The following SERPINB8 variants were observed in gnomAD, a reference collection of about 807,000 sequenced individuals.
SERPINB8 encodes serpin family B member 8, also known as serpin B8.
Under a neutral mutation model 35.3 loss-of-function variants are expected in SERPINB8, and 25 were observed. The observed-to-expected ratio is 0.71, with a 90% CI of 0.52 to 0.99. SERPINB8 has a LOEUF of 0.99. SERPINB8 is among the 50% of genes least tolerant of loss of function. The pLI is 0.00. For missense variants in SERPINB8, 484 were observed against 446.5 expected (o/e 1.08, Z -0.76); for synonymous variants, 186 against 160.8 (o/e 1.16, Z -1.19).
At chr18:64,006,514 A>G (rs1023390042), downstream of SERPINB8, among the ~76,000 whole-genome samples, 2 of 152,156 alleles carry the variant, frequency 1.3e-5, no homozygotes, top group Non-Finnish European at 2.9e-5. Context: ...ACCCAGGAAG[A>G]GGGTCCTCTC....
intron 1 of SERPINB8, among the ~76,000 whole-genome samples, chr18:63,976,349 T>A (rs77321459): frequency 0.011 from 1,700 of 152,302 alleles, 42 homozygotes; most frequent in African/African-American, 0.039. Context: ...GTAGGACTTA[T>A]AATAATGCAC....
downstream of SERPINB8, among the ~76,000 whole-genome samples, chr18:63,994,227 T>G (rs2050837815): frequency 6.6e-6 from 1 of 152,054 alleles, no homozygotes; most frequent in Admixed American, 6.6e-5. Context: ...GGTAGCCTCT[T>G]CTTATCACAG....
intron 2 of SERPINB8, among the ~76,000 whole-genome samples, chr18:63,979,105 G>T (rs531965693): frequency 5.6e-4 from 85 of 152,314 alleles, no homozygotes; most frequent in African/African-American, 2.0e-3. Context: ...CCAATATCAG[G>T]AGTGTATAGA....
At chr18:64,000,134 T>A (rs2050867428) in intron 1 of SERPINB8, among the ~76,000 whole-genome samples, 1 of 152,190 alleles carries the variant, frequency 6.6e-6, no homozygotes, top group Non-Finnish European at 1.5e-5. Flanking sequence ...TCTGACAAAG[T>A]GGAAGAGTCC....
Position 63,985,176 on chromosome 18 carries a change from G to A in SERPINB8, c.651G>A (p.Glu217=). 3 of 1,614,202 alleles carry A rather than the reference G, an allele frequency of 1.9e-6. No homozygotes were observed. Among genetic ancestry groups the A allele is most frequent in the Non-Finnish European group, 2.5e-6 (3 of 1,180,032 alleles). Residue 217 remains glutamate (E), a synonymous_variant, in exon 6 of 7, where the codon GAG becomes GAA. Transcript: ENST00000397985. The part of the protein sequence containing the change: ...YADEVHTQVL[E]LPYVEEELSM... ...ATGAGGTACACACCCAGGTCCTGGA[G>A]CTGCCCTATGTGGAAGAGGAGCTGA...
At chr18:63,985,065 A>G (rs754194318) in intron 5 of SERPINB8, 28 bp from the exon 6 acceptor site, 1 of 1,611,432 alleles carries the variant, frequency 6.2e-7, no homozygotes, top group Non-Finnish European at 8.5e-7. Context: ...CCCACTTTTC[A>G]GTAATCGAAC....
chr18:63,996,145 A>C (rs1030382786), intron 1 of SERPINB8, among the ~76,000 whole-genome samples: 6 of 152,190 alleles, frequency 3.9e-5, no homozygotes, highest in African/African-American at 9.7e-5. Flanking sequence ...TTGAGTTTTA[A>C]GACTATGAGG....
At chr18:64,012,916 A>G (rs575220994) in intron 7 of SERPINB8, among the ~76,000 whole-genome samples, 1 of 152,254 alleles carries the variant, frequency 6.6e-6, no homozygotes, top group East Asian at 1.9e-4. Flanking sequence ...TGCGCAGGCA[A>G]AGAAGCCCGG....
intron 3 of SERPINB8, among the ~76,000 whole-genome samples, chr18:63,980,303 C>G (rs1173055186): frequency 1.3e-5 from 2 of 152,100 alleles, no homozygotes; most frequent in Admixed American, 6.6e-5. Flanking sequence ...TTAAATTTGC[C>G]CGCCCTCTTC....
chr18:63,998,785 T>C (rs1022869022), intron 1 of SERPINB8, among the ~76,000 whole-genome samples: 1 of 152,220 alleles, frequency 6.6e-6, no homozygotes, highest in African/African-American at 2.4e-5. Flanking sequence ...TGCTTCTCCA[T>C]TTACTCCCTG....
chr18:63,999,458 A>G (rs907636616), intron 1 of SERPINB8, among the ~76,000 whole-genome samples: 12 of 152,214 alleles, frequency 7.9e-5, no homozygotes, highest in Middle Eastern at 3.4e-3. Flanking sequence ...AGCAACTGGG[A>G]AGAGGAGCCT....
intron 7 of SERPINB8, among the ~76,000 whole-genome samples, chr18:64,011,314 G>C (rs1016640747): frequency 2.0e-5 from 3 of 152,012 alleles, no homozygotes; most frequent in African/African-American, 7.2e-5. Context: ...ATATAAAAAA[G>C]TAGACTTCAA....
intron 4 of SERPINB8, 115 bp downstream of exon 4, chr18:63,981,953 G>T: frequency 1.5e-6 from 1 of 676,498 alleles, no homozygotes; most frequent in Non-Finnish European, 2.6e-6. Flanking sequence ...AGGCCTGTTT[G>T]TATGTGTTTG....
chr18:63,997,343 A>T (rs915720677), intron 1 of SERPINB8, among the ~76,000 whole-genome samples: 12 of 152,244 alleles, frequency 7.9e-5, no homozygotes, highest in Admixed American at 6.5e-4. Context: ...AGTGAATGAA[A>T]ATGTTCTACA....
At chr18:64,018,691 A>G (rs1302549404) in intron 7 of SERPINB8, among the ~76,000 whole-genome samples, 1 of 152,192 alleles carries the variant, frequency 6.6e-6, no homozygotes, top group South Asian at 2.1e-4. Context: ...CAGAGAAACC[A>G]TTGGAAACAA....
At chr18:64,010,892 T>C (rs771107060) in intron 7 of SERPINB8, among the ~76,000 whole-genome samples, 1 of 152,026 alleles carries the variant, frequency 6.6e-6, no homozygotes, top group South Asian at 2.1e-4. Flanking sequence ...TATGATCTTC[T>C]GTTTCTTAAG....
intron 1 of SERPINB8, among the ~76,000 whole-genome samples, chr18:63,995,496 G>T (rs1235528919): frequency 6.6e-6 from 1 of 152,152 alleles, no homozygotes; most frequent in African/African-American, 2.4e-5. Context: ...GGGACCTTTG[G>T]GCCCCTAGAG....
chr18:64,001,802 T>G (rs1383184336), intron 1 of SERPINB8, among the ~76,000 whole-genome samples: 1 of 152,050 alleles, frequency 6.6e-6, no homozygotes, highest in African/African-American at 2.4e-5. Flanking sequence ...TTTCTCAACT[T>G]TTGTACCCTA....
Position 63,970,145 on chromosome 18 carries a change from G to GGCGGCA in SERPINB8, c.-33_-28dup. ...TCAAAGCAGCAGCGGCGGCGGCGGCGGCGGCAGCAGCAGCAGCAGCAGGAG... is the reference window on the plus strand; with the variant it reads ...TCAAAGCAGCAGCGGCGGCGGCGGCGGCGGCAGCGGCAGCAGCAGCAGCAGCAGGAG... On this transcript the variant is annotated 5_prime_UTR_variant, in exon 1 of 7. Transcript: ENST00000397985. 5.4e-6 allele frequency: 2 copies of GGCGGCA among 368,616 alleles called. No homozygotes were observed. Among genetic ancestry groups the GGCGGCA allele is most frequent in the Non-Finnish European group, 1.1e-5 (2 of 187,144 alleles). The allele number at this position is 368,616 out of a possible 1,614,324, so 22.8% of individuals were successfully genotyped here.
Sources: gnomAD v4.1 joint callset for allele counts (sites outside exome capture counted in the v4.1 genomes callset) on GRCh38, gnomAD v4.1.1 for gene constraint, MANE v1.5 for transcripts, NCBI Gene and HGNC (gene_info 2026-07-23, HGNC 2026-07-21) for gene names.